PDE8B: variants seen among roughly 807,000 people sequenced by gnomAD.
PDE8B encodes the protein high affinity cAMP-specific and IBMX-insensitive 3',5'-cyclic phosphodiesterase 8B.
A neutral mutation model predicts 101.3 loss-of-function variants in PDE8B; 26 were observed. The ratio of observed to expected loss-of-function variants is 0.26; its 90% CI spans 0.19 to 0.36. The LOEUF (loss-of-function observed/expected upper bound fraction) is 0.36. PDE8B is among the 10% of genes least tolerant of loss of function. PDE8B has a pLI of 1.00. For synonymous variants in PDE8B, 424 were observed against 429.3 expected (o/e 0.99, Z 0.15); for missense variants, 810 against 1,163.1 (o/e 0.70, Z 4.42).
the PDE8B span, among the ~76,000 whole-genome samples, chr5:77,169,912 A>C: frequency 6.6e-6 from 1 of 152,134 alleles, no homozygotes; most frequent in African/African-American, 2.4e-5. Flanking sequence ...TGCTCAGTGC[A>C]CTGTAGTTTT....
the PDE8B span, among the ~76,000 whole-genome samples, chr5:77,131,594 C>T: frequency 6.6e-6 from 1 of 152,162 alleles, no homozygotes; most frequent in East Asian, 1.9e-4. Context: ...AATACTTACC[C>T]GGGATGAATT....
Position 77,290,850 on chromosome 5 carries a change from A to G in PDE8B, c.340-21144A>G. On this transcript the variant is annotated intron_variant, in intron 1 of 21. Coordinates refer to ENST00000264917, the MANE Select transcript of PDE8B (RefSeq NM_003719.5). ...CTGCCTCTGGAAAGGAGCTCCAACC[A>G]CTTCCCTCATTAGTGTGGCTGTCAC... is the stretch of plus-strand genomic sequence containing the variant. 3 of 1,556,510 alleles carry G rather than the reference A, an allele frequency of 1.9e-6. No homozygotes were observed. The South Asian group carries it at 3.3e-5, about 17-fold the overall frequency.
intron 13 of PDE8B, among the ~76,000 whole-genome samples, chr5:77,408,428 G>T (rs1438126123): frequency 6.6e-6 from 1 of 152,188 alleles, no homozygotes; most frequent in Non-Finnish European, 1.5e-5. Flanking sequence ...GAACAAGACT[G>T]CAGTTTAGTG....
intron 1 of PDE8B, chr5:77,291,053 T>G: frequency 6.2e-7 from 1 of 1,611,864 alleles, no homozygotes; most frequent in Non-Finnish European, 8.5e-7. Flanking sequence ...AGGAGAGGTT[T>G]GGGAGAAGTT....
chr5:77,338,765 G>A (rs942749772), intron 6 of PDE8B, among the ~76,000 whole-genome samples: 1 of 152,182 alleles, frequency 6.6e-6, no homozygotes, highest in Non-Finnish European at 1.5e-5. Flanking sequence ...ATTAGAAAGA[G>A]GGGGATTTTA....
chr5:77,153,267 T>TA, the PDE8B span, among the ~76,000 whole-genome samples: 2 of 152,076 alleles, frequency 1.3e-5, no homozygotes, highest in South Asian at 2.1e-4. Context: ...TTTTATAATT[T>TA]AAAAAAAGGG....
chr5:77,141,656 A>G, the PDE8B span: 2 of 152,174 alleles, frequency 1.3e-5, no homozygotes, highest in South Asian at 2.1e-4. Context: ...ATTCTACTTT[A>G]CCAATATCTG....
At chr5:77,318,073 A>C (rs1323259057) in intron 2 of PDE8B, among the ~76,000 whole-genome samples, 2 of 151,258 alleles carry the variant, frequency 1.3e-5, no homozygotes, top group Admixed American at 6.6e-5. Context: ...AAAAAAAAAA[A>C]AAAACACAAC....
At chr5:77,238,566 T>C (rs1755140531) in intron 1 of PDE8B, among the ~76,000 whole-genome samples, 1 of 152,236 alleles carries the variant, frequency 6.6e-6, no homozygotes, top group African/African-American at 2.4e-5. Context: ...TTGACATCTA[T>C]ATTACTGAGG....
the PDE8B span, chr5:77,087,205 G>A: frequency 6.6e-6 from 1 of 152,316 alleles, no homozygotes; most frequent in Non-Finnish European, 1.5e-5. Flanking sequence ...TTTTGTCCCG[G>A]ACGGAAAACC....
At chr5:77,321,302 C>T (rs1000570888) in intron 2 of PDE8B, among the ~76,000 whole-genome samples, 1 of 152,032 alleles carries the variant, frequency 6.6e-6, no homozygotes, top group African/African-American at 2.4e-5. Flanking sequence ...CAGGCATGCA[C>T]CACCACGCCT....
chr5:77,414,683 A>C (rs1450758247), intron 17 of PDE8B, among the ~76,000 whole-genome samples: 1 of 151,274 alleles, frequency 6.6e-6, no homozygotes, highest in East Asian at 1.9e-4. Context: ...ACCCGCCTCA[A>C]CCTCCCAAAG....
chr5:77,306,914 T>C (rs1200704025), intron 1 of PDE8B, among the ~76,000 whole-genome samples: 3 of 152,232 alleles, frequency 2.0e-5, no homozygotes, highest in East Asian at 3.8e-4. Flanking sequence ...CTTGCTTTCA[T>C]TGCTGTAGTT....
chr5:77,211,555 C>G lies in PDE8B; in HGVS notation c.339+291C>G, dbSNP rs767128269. Among the ~76,000 whole-genome samples, 14 of 152,112 alleles carry G rather than the reference C, an allele frequency of 9.2e-5. No individual in the cohort carries two copies. Among genetic ancestry groups the G allele is most frequent in the Non-Finnish European group, 1.9e-4 (13 of 68,018 alleles). On this transcript the variant is annotated intron_variant, in intron 1 of 21. Transcript: ENST00000264917. The surrounding 1 kb of genome is among the most constrained non-coding windows in gnomAD (Gnocchi z 4.1). ...GGGCTGGCCTGTTCCTCCTTGAGGG[C>G]AGGAAGGCTGTGGCTTGGTTTATGC...
intron 10 of PDE8B, among the ~76,000 whole-genome samples, chr5:77,392,781 A>C (rs1278304758): frequency 1.3e-5 from 2 of 152,156 alleles, no homozygotes; most frequent in African/African-American, 4.8e-5. Context: ...GTACATTGGC[A>C]ATGGAAAACA....
intron 1 of PDE8B, among the ~76,000 whole-genome samples, chr5:77,273,573 G>C (rs1415297151): frequency 6.6e-6 from 1 of 152,154 alleles, no homozygotes; most frequent in Non-Finnish European, 1.5e-5. Context: ...AGGCAGGGTA[G>C]TACACTTACT....
chr5:77,152,642 C>T, the PDE8B span, among the ~76,000 whole-genome samples: 5 of 152,178 alleles, frequency 3.3e-5, no homozygotes, highest in East Asian at 7.7e-4. Flanking sequence ...TAACAAAGCT[C>T]ATTTAGAGGA....
chr5:77,316,310 T>G (rs1386513919), intron 2 of PDE8B, among the ~76,000 whole-genome samples: 1 of 152,198 alleles, frequency 6.6e-6, no homozygotes, highest in Non-Finnish European at 1.5e-5. Flanking sequence ...CTCGGCTCAC[T>G]GCAAACTCTG....
chr5:77,427,144 G>A lies in PDE8B; in HGVS notation c.*590G>A, dbSNP rs1020011212. The stretch of plus-strand genomic sequence containing the variant: ...GGCTACATGGTTCTTCTGGCCGATG[G>A]TATGACACCTAAGTTAGAACACAGC... On this transcript the variant is annotated 3_prime_UTR_variant, in exon 22 of 22. Coordinates refer to ENST00000264917, the MANE Select transcript of PDE8B (RefSeq NM_003719.5). 6.4e-6 allele frequency: 1 copy of A among 156,358 alleles called. No individual in the cohort carries two copies. Among genetic ancestry groups the A allele is most frequent in the Non-Finnish European group, 1.4e-5 (1 of 70,576 alleles). The allele number at this position is 156,358 out of a possible 1,614,324, so 9.7% of individuals were successfully genotyped here.
Sources: allele counts gnomAD v4.1 joint callset (sites outside exome capture counted in the v4.1 genomes callset), GRCh38; gene constraint gnomAD v4.1.1; non-coding constraint Gnocchi (gnomAD v3.1); transcripts MANE v1.5; gene names NCBI Gene and HGNC (gene_info 2026-07-23, HGNC 2026-07-21).